The following SUMF2 variants were observed in gnomAD, a reference collection of about 807,000 sequenced individuals.
SUMF2 encodes the protein sulfatase modifying factor 2.
SUMF2 carries 45 observed loss-of-function variants against 44.8 expected under a neutral mutation model. The observed-to-expected ratio is 1.00, with a 90% CI of 0.79 to 1.29. The LOEUF is 1.29. Among genes scored for constraint, SUMF2 ranks in the 50% most tolerant of loss-of-function variants. SUMF2 has a pLI of 0.00. For synonymous variants in SUMF2, 148 were observed against 150.4 expected, an observed-to-expected ratio of 0.98 and a Z score of 0.12; for missense variants, 418 against 389.9, an observed-to-expected ratio of 1.07 and a Z score of -0.61.
At chr7:56,072,528 G>A (rs917587462) in intron 2 of SUMF2, among the ~76,000 whole-genome samples, 1 of 151,974 alleles carries the variant, frequency 6.6e-6, no homozygotes, top group African/African-American at 2.4e-5. Context: ...TTCGAGACCA[G>A]CCTGGCCAAC....
At chr7:56,077,586 G>A (rs1795648233) in intron 6 of SUMF2, among the ~76,000 whole-genome samples, 1 of 151,448 alleles carries the variant, frequency 6.6e-6, no homozygotes, top group African/African-American at 2.4e-5. Context: ...TTGAACCCAG[G>A]AGGCGGAGGT....
downstream of SUMF2, chr7:56,083,423 C>T (rs757313700): frequency 6.1e-5 from 98 of 1,614,210 alleles, no homozygotes; most frequent in South Asian, 1.6e-4. Context: ...TCACCTCCAG[C>T]AGAGCTCGCA....
intron 6 of SUMF2, 114 bp downstream of exon 6, chr7:56,077,003 C>A: frequency 2.3e-6 from 2 of 871,980 alleles, no homozygotes; most frequent in Non-Finnish European, 3.5e-6. Context: ...CAACTGATGA[C>A]TCATAAGCTG....
chr7:56,076,999 A>T, intron 6 of SUMF2, 110 bp downstream of exon 6: 2 of 931,276 alleles, frequency 2.1e-6, no homozygotes, highest in Non-Finnish European at 3.2e-6. Flanking sequence ...AATGCAACTG[A>T]TGACTCATAA....
At chr7:56,083,613 T>G, downstream of SUMF2, 1 of 1,553,420 alleles carries the variant, frequency 6.4e-7, no homozygotes, top group Non-Finnish European at 8.8e-7. Context: ...CTAAGCCACG[T>G]GGGAGGGAGC....
intron 2 of SUMF2, among the ~76,000 whole-genome samples, chr7:56,070,452 A>G (rs769008483): frequency 1.6e-4 from 24 of 150,884 alleles, no homozygotes; most frequent in Non-Finnish European, 3.0e-4. Context: ...ACAGACCCCC[A>G]TCTCTACTAA....
chr7:56,079,495 G>A (rs762046583), intron 8 of SUMF2, 33 bp from the exon 9 acceptor site: 13 of 1,589,396 alleles, frequency 8.2e-6, no homozygotes, highest in South Asian at 2.3e-5. Flanking sequence ...TTCTCAGGAC[G>A]TGTCTGTCCT....
At chr7:56,077,583 C>T (rs1446167841) in intron 6 of SUMF2, among the ~76,000 whole-genome samples, 1 of 150,980 alleles carries the variant, frequency 6.6e-6, no homozygotes, top group African/African-American at 2.4e-5. Context: ...CACTTGAACC[C>T]AGGAGGCGGA....
chr7:56,074,014 CAAAAAAA>C (rs56927689), intron 3 of SUMF2, 153 bp from the exon 4 acceptor site: 2,793 of 318,826 alleles, frequency 8.8e-3, no homozygotes, highest in East Asian at 0.012. Context: ...GATCTTGTCT[CAAAAAAA>C]AAAAAAAAAA....
chr7:56,064,473 CG>C (rs1794609124), intron 1 of SUMF2, 95 bp downstream of exon 1: 1 of 1,466,234 alleles, frequency 6.8e-7, no homozygotes, highest in African/African-American at 1.5e-5. Flanking sequence ...TGCCGGCTTC[CG>C]GGATGCGGCT....
chr7:56,084,931 G>T (rs1460436041), downstream of SUMF2, among the ~76,000 whole-genome samples: 1 of 152,114 alleles, frequency 6.6e-6, no homozygotes, highest in Non-Finnish European at 1.5e-5. Flanking sequence ...ATACAGGACA[G>T]TGCCACAGAG....
Position 56,074,648 on chromosome 7 carries a change from G to T in SUMF2, c.447G>T (p.Trp149Cys), listed in dbSNP as rs768936287. The stretch of plus-strand genomic sequence containing the variant: ...AGCACCCAGTGTTACACGTGAGCTG[G>T]AATGACGCCCGTGCCTACTGTGCTT... ...RLEHPVLHVS[W>C]NDARAYCAWR... Residue 149 changes from tryptophan (W) to cysteine (C), a missense_variant, in exon 5 of 9, where the codon TGG (tryptophan) becomes TGT (cysteine). Physicochemically the swap from Trp to Cys is radical, Grantham distance 215. Coordinates refer to ENST00000434526, the MANE Select transcript of SUMF2 (RefSeq NM_015411.4). The T allele has an allele frequency of 5.6e-6, 9 of 1,614,078 alleles. No homozygotes were observed. Among genetic ancestry groups the T allele is most frequent in the Non-Finnish European group, 8.5e-7 (1 of 1,180,040 alleles).
At chr7:56,085,237 A>AGG (rs1796203236), downstream of SUMF2, among the ~76,000 whole-genome samples, 1 of 152,098 alleles carries the variant, frequency 6.6e-6, no homozygotes, top group Non-Finnish European at 1.5e-5. Context: ...CTGGGATTAC[A>AGG]GGGGTGAACC....
chr7:56,064,350 G>C lies in SUMF2; in HGVS notation c.39G>C (p.Ser13=). The C allele has an allele frequency of 6.2e-7, 1 of 1,603,460 alleles. No homozygotes were observed. Among genetic ancestry groups the C allele is most frequent in the East Asian group, 2.2e-5 (1 of 44,458 alleles). ...GGTTACCGCTGCTGCCCCTGCTGTCGCTCCTGGTCGGCGCGTGGCTCAAGC... is the reference window on the plus strand; with the variant it reads ...GGTTACCGCTGCTGCCCCTGCTGTCCCTCCTGGTCGGCGCGTGGCTCAAGC... ...RHGLPLLPLL[S]LLVGAWLKLG... Residue 13 remains serine, a synonymous_variant, in exon 1 of 9, where the codon TCG becomes TCC. Transcript: ENST00000434526.
chr7:56,077,970 T>G, intron 6 of SUMF2, 132 bp from the exon 7 acceptor site: 1 of 712,806 alleles, frequency 1.4e-6, no homozygotes, highest in Non-Finnish European at 2.4e-6. Context: ...GATAGGAATC[T>G]TAGGTCACCG....
chr7:56,079,588 A>T lies in SUMF2; in HGVS notation c.882A>T (p.Ala294=). The part of the protein sequence containing the change: ...DNLGFRCAAD[A]GRPPGEL ...TCGGTTTCCGCTGTGCTGCAGACGCAGGCCGGCCGCCAGGGGAGCTGTAAG... is the reference window on the plus strand; with the variant it reads ...TCGGTTTCCGCTGTGCTGCAGACGCTGGCCGGCCGCCAGGGGAGCTGTAAG... Residue 294 remains alanine, a synonymous_variant, in exon 9 of 9, where the codon GCA becomes GCT. Coordinates refer to ENST00000434526, the MANE Select transcript of SUMF2 (RefSeq NM_015411.4). 1 of 1,614,184 alleles carries T rather than the reference A, an allele frequency of 6.2e-7. No homozygotes were observed. The highest frequency in any genetic ancestry group is 2.2e-5 in the East Asian group (1 of 44,874).
At chr7:56,082,338 A>C, downstream of SUMF2, 2 of 1,052,248 alleles carry the variant, frequency 1.9e-6, no homozygotes, top group Non-Finnish European at 2.8e-6. Context: ...CATTTCTATA[A>C]TCCTAGCACT....
At chr7:56,083,131 GAAAA>G (rs914341032), downstream of SUMF2, 3 of 623,698 alleles carry the variant, frequency 4.8e-6, no homozygotes, top group Non-Finnish European at 7.9e-6. Context: ...GAAAGAAAAA[GAAAA>G]AAAAATCCCT....
chr7:56,066,863 G>A (rs1429580734), intron 1 of SUMF2, among the ~76,000 whole-genome samples: 1 of 152,138 alleles, frequency 6.6e-6, no homozygotes, highest in African/African-American at 2.4e-5. Context: ...CAGGTAATCT[G>A]CCCGCCTCGG....
Sources: gnomAD v4.1 joint callset for allele counts (sites outside exome capture counted in the v4.1 genomes callset) on GRCh38, gnomAD v4.1.1 for gene constraint, MANE v1.5 for transcripts, NCBI Gene and HGNC (gene_info 2026-07-23, HGNC 2026-07-21) for gene names.